ESR2: variants seen among roughly 807,000 people sequenced by gnomAD.
ESR2 encodes the protein estrogen receptor beta.
A neutral mutation model predicts 49.6 loss-of-function variants in ESR2; 36 were observed. The ratio of observed to expected loss-of-function variants is 0.73; its 90% CI spans 0.56 to 0.96. The LOEUF is 0.96. Among genes scored for constraint, ESR2 ranks in the 40% least tolerant of loss-of-function variants. The pLI, the probability that ESR2 is intolerant of heterozygous loss-of-function variation, is 0.00. For synonymous variants in ESR2, 320 were observed against 266.1 expected (o/e 1.20, Z -1.97); for missense variants, 714 against 693.0 (o/e 1.03, Z -0.34).
rs368756033 is a variant in ESR2 at position 64,229,984 on chromosome 14, G to GC, written c.*3152dup. On this transcript the variant is annotated 3_prime_UTR_variant, in exon 9 of 9. Transcript: ENST00000341099. Reference sequence around the variant, plus strand: ...GCTGGAGCCCAGGAGTTCAGGACCAGCCTGGGGAGCATAGTAAAACCCCAT... The same window carrying GC: ...GCTGGAGCCCAGGAGTTCAGGACCAGCCCTGGGGAGCATAGTAAAACCCCAT... Among the ~76,000 whole-genome samples the GC allele has an allele frequency of 2.5e-4, 38 of 152,132 alleles. No homozygotes were observed. Among genetic ancestry groups the GC allele is most frequent in the African/African-American group, 8.9e-4 (37 of 41,506 alleles).
intron 1 of ESR2, chr14:64,337,630 T>C (rs2077547601): frequency 6.6e-6 from 1 of 152,206 alleles, no homozygotes; most frequent in Non-Finnish European, 1.5e-5. Flanking sequence ...ATTGAATCCA[T>C]TAAAATGGGT....
At chr14:64,327,113 A>G (rs559400126) in intron 1 of ESR2, among the ~76,000 whole-genome samples, 40 of 152,334 alleles carry the variant, frequency 2.6e-4, no homozygotes, top group African/African-American at 9.4e-4. Flanking sequence ...GCATCTACCA[A>G]TTGATCTAGA....
At chr14:64,228,069 G>T, downstream of ESR2, 1 of 1,378,460 alleles carries the variant, frequency 7.3e-7, no homozygotes, top group South Asian at 1.8e-5. Flanking sequence ...TCAATCACAA[G>T]TGTGAGATTA....
intron 5 of ESR2, 195 bp downstream of exon 5, chr14:64,260,254 C>G (rs1450959759): frequency 2.6e-6 from 2 of 768,120 alleles, no homozygotes; most frequent in Middle Eastern, 4.5e-4. Context: ...TAAATCAGAA[C>G]ACGGCCTTGT....
intron 1 of ESR2, among the ~76,000 whole-genome samples, chr14:64,307,749 T>C (rs747012639): frequency 1.3e-5 from 2 of 151,940 alleles, no homozygotes; most frequent in Admixed American, 6.6e-5. Flanking sequence ...GTTAGCCAGG[T>C]TGGTCTCACC....
At chr14:64,330,003 G>A (rs2077436642) in intron 1 of ESR2, 1 of 151,898 alleles carries the variant, frequency 6.6e-6, no homozygotes, top group Admixed American at 6.6e-5. Flanking sequence ...GCTGGGCGTG[G>A]TGGCAGGCGC....
At chr14:64,285,254 T>C (rs1338392711) in intron 1 of ESR2, among the ~76,000 whole-genome samples, 2 of 152,172 alleles carry the variant, frequency 1.3e-5, no homozygotes, top group African/African-American at 4.8e-5. Context: ...TTCATGTTCT[T>C]AAAACCCAGC....
chr14:64,295,247 C>T (rs1259931653), upstream of ESR2, among the ~76,000 whole-genome samples: 1 of 152,222 alleles, frequency 6.6e-6, no homozygotes, highest in Non-Finnish European at 1.5e-5. Flanking sequence ...ACCATCTACT[C>T]AGGTGGCATA....
At chr14:64,282,209 G>A (rs2076685276) in intron 2 of ESR2, among the ~76,000 whole-genome samples, 1 of 152,172 alleles carries the variant, frequency 6.6e-6, no homozygotes, top group Admixed American at 6.5e-5. Context: ...GCTGGGCGTG[G>A]TGGCACGCGC....
chr14:64,227,805 C>A (rs2098723020), downstream of ESR2: 1 of 1,557,992 alleles, frequency 6.4e-7, no homozygotes, highest in Admixed American at 1.9e-5. Context: ...TCCCAAAACT[C>A]TTTTATGAGG....
Position 64,310,286 on chromosome 14 carries a change from A to T in ESR2, c.-90-27211T>A, listed in dbSNP as rs1015729124. Reference sequence around the variant, plus strand: ...AGACAAAGTAAGACGTCGTCTCAAAAAATAATAATAATAATAATAATAATA... The same window carrying T: ...AGACAAAGTAAGACGTCGTCTCAAATAATAATAATAATAATAATAATAATA... On this transcript the variant is annotated intron_variant, in intron 1 of 8. Coordinates refer to the ESR2 transcript ENST00000358599. 9.8e-5 allele frequency among the ~76,000 whole-genome samples: 14 copies of T among 142,462 alleles called. No individual in the cohort carries two copies. In the East Asian group the frequency reaches 1.3e-3, roughly 13 times the overall value. 93.5% of individuals were successfully genotyped at this position (142,462 alleles called of 152,430 possible).
At position 64,260,751 on chromosome 14, in the gene ESR2, G is replaced by A; in HGVS notation, c.653-3C>T. 6.8e-7 allele frequency: 1 copy of A among 1,471,344 alleles called. No individual in the cohort carries two copies. Among genetic ancestry groups the A allele is most frequent in the Non-Finnish European group, 9.0e-7 (1 of 1,110,518 alleles). 91.1% of individuals were successfully genotyped at this position (1,471,344 alleles called of 1,614,324 possible). A position where few individuals can be genotyped will look rare whatever the true frequency, so the allele number is the denominator to read the frequency against. Reference sequence around the variant, plus strand: ...CCCACATCTCTCTCTCCGGGAGCCTGAAGAGGAAAGCAGAGTCATTCGAAT... The same window carrying A: ...CCCACATCTCTCTCTCCGGGAGCCTAAAGAGGAAAGCAGAGTCATTCGAAT... On this transcript the variant is annotated splice_region_variant and splice_polypyrimidine_tract_variant and intron_variant, in intron 4 of 8. Transcript: ENST00000341099.
At chr14:64,323,211 T>G (rs1282550177) in intron 1 of ESR2, among the ~76,000 whole-genome samples, 2 of 152,146 alleles carry the variant, frequency 1.3e-5, no homozygotes, top group Non-Finnish European at 2.9e-5. Context: ...TTATTTTGTT[T>G]TTTGTTTGTT....
chr14:64,253,737 G>T (rs539377556), intron 6 of ESR2, among the ~76,000 whole-genome samples: 1 of 152,056 alleles, frequency 6.6e-6, no homozygotes, highest in African/African-American at 2.4e-5. Flanking sequence ...TTGAAAATTC[G>T]GTGGTTATCT....
intron 1 of ESR2, among the ~76,000 whole-genome samples, chr14:64,286,257 T>C (rs59318135): frequency 0.073 from 11,185 of 152,276 alleles, 499 homozygotes; most frequent in Non-Finnish European, 0.093. Flanking sequence ...GGTGTTTGGG[T>C]TTTATTTTAA....
In ESR2 at chr14:64,230,865, TTATATATATATA is replaced by T. The variant is rs10589699; in HGVS notation, c.*2260_*2271del. The T allele has an allele frequency of 2.4e-5, 3 of 125,632 alleles. No individual in the cohort carries two copies. Among genetic ancestry groups the T allele is most frequent in the Non-Finnish European group, 4.7e-5 (3 of 63,750 alleles). The allele number at this position is 125,632 out of a possible 1,614,324, so 7.8% of individuals were successfully genotyped here. ...AAGATCTACTCTCAAAAAAAAAAAATTATATATATATATATATATATATTTCGTGGCAATTTT... is the reference window on the plus strand; with the variant it reads ...AAGATCTACTCTCAAAAAAAAAAAATTATATATATATTTCGTGGCAATTTT... On this transcript the variant is annotated 3_prime_UTR_variant, in exon 9 of 9. Coordinates refer to ENST00000341099, the MANE Select transcript of ESR2 (RefSeq NM_001437.3).
chr14:64,286,662 A>G (rs2076789762), intron 1 of ESR2, among the ~76,000 whole-genome samples: 1 of 152,120 alleles, frequency 6.6e-6, no homozygotes, highest in South Asian at 2.1e-4. Context: ...TTAACAGAAA[A>G]TATGCAGGAT....
chr14:64,227,498 A>G (rs777107369), downstream of ESR2: 5 of 1,609,202 alleles, frequency 3.1e-6, no homozygotes, highest in South Asian at 2.2e-5. Flanking sequence ...ATGTTACCCA[A>G]GATTTTTCTT....
chr14:64,279,255 G>T (rs747566438), intron 3 of ESR2, among the ~76,000 whole-genome samples: 1 of 152,090 alleles, frequency 6.6e-6, no homozygotes, highest in Admixed American at 6.6e-5. Context: ...CCAAGTTGTG[G>T]CCTGACCACC....
Sources: gnomAD v4.1 joint callset for allele counts (sites outside exome capture counted in the v4.1 genomes callset) on GRCh38, gnomAD v4.1.1 for gene constraint, MANE v1.5 for transcripts, NCBI Gene and HGNC (gene_info 2026-07-23, HGNC 2026-07-21) for gene names.